The following EPHA5 variants were observed in gnomAD, a reference collection of about 807,000 sequenced individuals.
EPHA5 encodes the protein EPH receptor A5.
A neutral mutation model predicts 105.0 loss-of-function variants in EPHA5; 60 were observed. That is an observed-to-expected ratio of 0.57 (90% confidence interval 0.46 to 0.71). The LOEUF is 0.71. Ranked by LOEUF, EPHA5 falls within the 30% of genes least tolerant of loss-of-function variation. The probability of loss-of-function intolerance (pLI) is 0.00; values close to 1 mark genes in which losing one functional copy is unlikely to be tolerated. For missense variants in EPHA5, 1,218 were observed against 1,274.7 expected, an observed-to-expected ratio of 0.96 and a Z score of 0.68; for synonymous variants, 513 against 449.1, an observed-to-expected ratio of 1.14 and a Z score of -1.80.
At chr4:65,420,395 G>C in intron 6 of EPHA5, 46 bp downstream of exon 6, 1 of 1,273,208 alleles carries the variant, frequency 7.9e-7, no homozygotes, top group Non-Finnish European at 1.1e-6. Context: ...TTGCTAAAAT[G>C]AAAAAAAAAA....
chr4:65,409,346 A>AAAATGAATAAATAAAT (rs1722694417), intron 7 of EPHA5, among the ~76,000 whole-genome samples: 1 of 134,212 alleles, frequency 7.5e-6, no homozygotes, highest in African/African-American at 2.7e-5. Flanking sequence ...ATAATAATAA[A>AAAATGAATAAATAAAT]AAATAAATAA....
At chr4:65,452,518 T>G (rs1727162250) in intron 5 of EPHA5, among the ~76,000 whole-genome samples, 1 of 151,670 alleles carries the variant, frequency 6.6e-6, no homozygotes, top group Admixed American at 6.6e-5. Context: ...TAAGTAAACT[T>G]GTGATGGAGA....
rs1015719930 is a variant in EPHA5 at position 65,378,251 on chromosome 4, C to T, written c.1794-10827G>A. ...AATGAAATTCTAATAAAAATTGCTA[C>T]GTAACATTTATTTCCAATTTGTCTA... On this transcript the variant is annotated intron_variant, in intron 8 of 16. Transcript: ENST00000613740. Among the ~76,000 whole-genome samples the T allele has an allele frequency of 4.6e-5, 7 of 151,710 alleles. No homozygotes were observed. The South Asian group carries it at 1.0e-3, about 22-fold the overall frequency.
intron 3 of EPHA5, among the ~76,000 whole-genome samples, chr4:65,576,050 GAAAGAAAGAAAAGAAAAGA>G (rs1578472131): frequency 4.6e-4 from 33 of 71,252 alleles, no homozygotes; most frequent in South Asian, 2.0e-3. Context: ...AAGAAAGAAA[GAAAGAAAGAAAAGAAAAGA>G]AAAGAAAAGA....
At chr4:65,431,680 C>T (rs1724992215) in intron 5 of EPHA5, among the ~76,000 whole-genome samples, 1 of 152,084 alleles carries the variant, frequency 6.6e-6, no homozygotes, top group Non-Finnish European at 1.5e-5. Flanking sequence ...AACAATTCCA[C>T]GTGTCCTGGC....
intron 5 of EPHA5, among the ~76,000 whole-genome samples, chr4:65,446,182 G>T (rs1348447524): frequency 6.6e-6 from 1 of 152,072 alleles, no homozygotes; most frequent in African/African-American, 2.4e-5. Context: ...ACAGATGTCT[G>T]CTTAATGCAA....
chr4:65,402,822 C>G (rs1315575554), intron 8 of EPHA5, among the ~76,000 whole-genome samples: 1 of 152,084 alleles, frequency 6.6e-6, no homozygotes, highest in African/African-American at 2.4e-5. Context: ...CTAGTAGTTA[C>G]AGTTCTTGCA....
At chr4:65,368,347 T>C (rs1394437908) in intron 8 of EPHA5, among the ~76,000 whole-genome samples, 1 of 152,136 alleles carries the variant, frequency 6.6e-6, no homozygotes, top group Non-Finnish European at 1.5e-5. Context: ...TCCACCAACA[T>C]TCAAACTCAA....
chr4:65,654,865 T>A (rs923793788), intron 1 of EPHA5, among the ~76,000 whole-genome samples: 2 of 147,122 alleles, frequency 1.4e-5, no homozygotes, highest in Non-Finnish European at 3.0e-5. Flanking sequence ...TGTATTTTAA[T>A]ATATATTTAT....
At chr4:65,417,647 G>A (rs544882687) in intron 6 of EPHA5, among the ~76,000 whole-genome samples, 1 of 151,838 alleles carries the variant, frequency 6.6e-6, no homozygotes, top group South Asian at 2.1e-4. Context: ...GAGTTATACA[G>A]ATCATATAAT....
chr4:65,433,898 G>T (rs1451710344), intron 5 of EPHA5, among the ~76,000 whole-genome samples: 3 of 151,958 alleles, frequency 2.0e-5, no homozygotes, highest in African/African-American at 4.8e-5. Context: ...GCAAAAATTA[G>T]CAAGGCGTCG....
At chr4:65,528,118 C>T (rs1450580307) in intron 3 of EPHA5, among the ~76,000 whole-genome samples, 1 of 151,886 alleles carries the variant, frequency 6.6e-6, no homozygotes, top group East Asian at 1.9e-4. Context: ...TGTTAGATAA[C>T]AAAATGTTTC....
At chr4:65,592,119 G>A (rs999915488) in intron 3 of EPHA5, among the ~76,000 whole-genome samples, 10 of 152,028 alleles carry the variant, frequency 6.6e-5, no homozygotes, top group African/African-American at 2.2e-4. Flanking sequence ...TACCAACCAT[G>A]TGAAGGTCTA....
At chr4:65,456,783 C>T (rs1727641889) in intron 5 of EPHA5, among the ~76,000 whole-genome samples, 1 of 151,952 alleles carries the variant, frequency 6.6e-6, no homozygotes, top group Admixed American at 6.6e-5. Flanking sequence ...GTCACCTATC[C>T]ACTTTCCCAG....
intron 5 of EPHA5, among the ~76,000 whole-genome samples, chr4:65,440,221 T>C (rs1246690863): frequency 6.6e-6 from 1 of 152,038 alleles, no homozygotes; most frequent in African/African-American, 2.4e-5. Context: ...TGAATACTAC[T>C]AAAATATTTA....
At chr4:65,599,441 C>T (rs182948440) in intron 3 of EPHA5, among the ~76,000 whole-genome samples, 14 of 152,048 alleles carry the variant, frequency 9.2e-5, no homozygotes, top group African/African-American at 2.7e-4. Context: ...TGCTTTAGTT[C>T]TCCAAAGCAA....
At chr4:65,466,348 ACCT>A (rs1244277149) in intron 5 of EPHA5, among the ~76,000 whole-genome samples, 4 of 152,232 alleles carry the variant, frequency 2.6e-5, no homozygotes, top group African/African-American at 9.7e-5. Flanking sequence ...AGGCAAATGT[ACCT>A]GGTAAAGTGA....
At chr4:65,348,659 GATATATATATATATATATAT>G (rs36206921) in intron 13 of EPHA5, among the ~76,000 whole-genome samples, 2 of 60,202 alleles carry the variant, frequency 3.3e-5, no homozygotes, top group African/African-American at 1.2e-4. Context: ...AAACATTGGA[GATATATATATATATATATAT>G]ATATATATAT....
chr4:65,585,531 C>A (rs4314337), intron 3 of EPHA5, among the ~76,000 whole-genome samples: 137,413 of 151,858 alleles, frequency 0.9, 62,239 homozygotes, highest in Admixed American at 0.92. Flanking sequence ...GAAACAGGAT[C>A]TGTTAACTTT....
Sources: gnomAD v4.1 joint callset for allele counts (sites outside exome capture counted in the v4.1 genomes callset) on GRCh38, gnomAD v4.1.1 for gene constraint, MANE v1.5 for transcripts, NCBI Gene and HGNC (gene_info 2026-07-23, HGNC 2026-07-21) for gene names.